Variants in TENM2 observed in about 807,000 individuals in gnomAD.
TENM2 encodes teneurin-2.
TENM2 carries 52 observed loss-of-function variants against 245.2 expected under a neutral mutation model. That is an observed-to-expected ratio of 0.21 (90% CI 0.17 to 0.27). TENM2 has a LOEUF of 0.27. TENM2 is among the 10% of genes least tolerant of loss of function. TENM2 has a pLI of 1.00. For synonymous variants in TENM2, 1,363 were observed against 1,438.9 expected (o/e 0.95, Z 1.19); for missense variants, 3,046 against 3,666.8 (o/e 0.83, Z 4.37).
At position 168,062,070 on chromosome 5, in the gene TENM2, G is replaced by A. The variant is rs376153373; in HGVS notation, c.1320G>A (p.Ser440=). Residue 440 remains serine (S), a synonymous_variant, in exon 7 of 29, where the codon TCG becomes TCA. Coordinates refer to ENST00000518659, the Ensembl canonical transcript of TENM2. ...TTTTTTTTTTTTCAGTGCCCTGGTC[G>A]TTGAAAAACAGCAGCATAGACAGTG... The A allele has an allele frequency of 5.4e-5, 87 of 1,604,236 alleles. No individual in the cohort carries two copies. In the Middle Eastern group the frequency reaches 5.8e-4, roughly 11 times the overall value.
At chr5:167,062,714 G>T in the TENM2 span, among the ~76,000 whole-genome samples, 92,043 of 152,050 alleles carry the variant, frequency 0.61, 30,388 homozygotes, top group African/African-American at 0.88. Context: ...TATTAAAAAA[G>T]AAACAAAGAA....
chr5:167,680,984 T>C (rs1421479078), intron 2 of TENM2, among the ~76,000 whole-genome samples: 1 of 152,180 alleles, frequency 6.6e-6, no homozygotes, highest in Non-Finnish European at 1.5e-5. Context: ...CTACTGAAAC[T>C]GTAAGAGAAA....
intron 3 of TENM2, among the ~76,000 whole-genome samples, chr5:167,897,119 G>A (rs1036612209): frequency 1.3e-5 from 2 of 152,126 alleles, no homozygotes; most frequent in Non-Finnish European, 2.9e-5. Context: ...TTCTCCCCTC[G>A]CTTCCTGATT....
intron 2 of TENM2, among the ~76,000 whole-genome samples, chr5:167,600,631 A>G (rs13159986): frequency 0.66 from 99,616 of 152,026 alleles, 32,870 homozygotes; most frequent in Middle Eastern, 0.76. Flanking sequence ...GACATAATGA[A>G]ATGAAAACAA....
At chr5:167,812,764 A>G (rs1164175368) in intron 2 of TENM2, among the ~76,000 whole-genome samples, 1 of 152,192 alleles carries the variant, frequency 6.6e-6, no homozygotes, top group Non-Finnish European at 1.5e-5. Flanking sequence ...TTTCTGAGCA[A>G]TGCCTATCTT....
chr5:166,993,249 G>A, the TENM2 span, among the ~76,000 whole-genome samples: 1 of 152,068 alleles, frequency 6.6e-6, no homozygotes, highest in African/African-American at 2.4e-5. Flanking sequence ...GAACTGCAGA[G>A]CTATTTTATG....
intron 14 of TENM2, among the ~76,000 whole-genome samples, chr5:168,191,844 A>C: frequency 6.6e-6 from 1 of 151,914 alleles, no homozygotes; most frequent in East Asian, 1.9e-4. Context: ...TGGGGAAGGA[A>C]TGGGTGTCAG....
intron 2 of TENM2, among the ~76,000 whole-genome samples, chr5:167,481,510 G>C (rs974840871): frequency 2.0e-5 from 3 of 152,148 alleles, no homozygotes; most frequent in Non-Finnish European, 4.4e-5. Flanking sequence ...ACAAAGGCAC[G>C]GTTCTGTAGC....
intron 12 of TENM2, among the ~76,000 whole-genome samples, 160 bp downstream of exon 14, chr5:168,127,126 G>T (rs1438117489): frequency 1.3e-5 from 2 of 152,172 alleles, no homozygotes; most frequent in African/African-American, 4.8e-5. Context: ...CCCTAATTGG[G>T]AAGGGCTTTT....
intron 2 of TENM2, among the ~76,000 whole-genome samples, chr5:167,818,687 C>A (rs532332050): frequency 6.6e-6 from 1 of 152,246 alleles, no homozygotes; most frequent in East Asian, 1.9e-4. Flanking sequence ...AGCCTGAGGT[C>A]AGCTTCTGAG....
chr5:168,253,627 G>A (rs369196691), intron 27 of TENM2, among the ~76,000 whole-genome samples: 14 of 151,838 alleles, frequency 9.2e-5, no homozygotes, highest in Non-Finnish European at 1.3e-4. Flanking sequence ...GGGTTTCACC[G>A]TGTTAGCCAG....
chr5:168,068,227 A>G (rs532257484), intron 7 of TENM2, among the ~76,000 whole-genome samples: 10 of 152,258 alleles, frequency 6.6e-5, no homozygotes, highest in Admixed American at 3.9e-4. Flanking sequence ...GGAGGGCACC[A>G]TGGATGTTTT....
chr5:167,427,088 T>A, intron 2 of TENM2, among the ~76,000 whole-genome samples: 1 of 149,424 alleles, frequency 6.7e-6, no homozygotes, highest in African/African-American at 2.5e-5. Flanking sequence ...AAAAAAAGGA[T>A]GAAAGAAGTG....
chr5:167,812,412 C>G (rs1260134075), intron 2 of TENM2, among the ~76,000 whole-genome samples: 2 of 152,206 alleles, frequency 1.3e-5, no homozygotes, highest in African/African-American at 4.8e-5. Flanking sequence ...AGTGCAGGCA[C>G]TGCCCTTGGA....
intron 1 of TENM2, among the ~76,000 whole-genome samples, chr5:167,323,532 AT>A (rs1048052955): frequency 3.3e-5 from 5 of 151,934 alleles, no homozygotes; most frequent in East Asian, 1.9e-4. Flanking sequence ...TTTTTGTTAT[AT>A]TTTTTTCCTA....
chr5:167,495,704 TG>T (rs1768771147), intron 2 of TENM2, among the ~76,000 whole-genome samples: 1 of 152,102 alleles, frequency 6.6e-6, no homozygotes, highest in African/African-American at 2.4e-5. Context: ...CAGTAAAATT[TG>T]TCTTGTTCAG....
At chr5:167,268,867 AAGATACAT>A in the TENM2 span, among the ~76,000 whole-genome samples, 2 of 127,014 alleles carry the variant, frequency 1.6e-5, no homozygotes, top group African/African-American at 6.0e-5. Context: ...TCCTTTCCAA[AAGATACAT>A]AGATAGATAG....
At chr5:167,044,062 A>AAGGC in the TENM2 span, among the ~76,000 whole-genome samples, 7 of 151,636 alleles carry the variant, frequency 4.6e-5, no homozygotes, top group African/African-American at 1.7e-4. Flanking sequence ...GGAAGGAAGG[A>AAGGC]AGGAAGGAAG....
At chr5:167,565,978 G>T (rs1450331361) in intron 2 of TENM2, among the ~76,000 whole-genome samples, 3 of 151,974 alleles carry the variant, frequency 2.0e-5, no homozygotes, top group Admixed American at 2.0e-4. Flanking sequence ...TATTATAGGG[G>T]ATTTGTCAGC....
Sources: gnomAD v4.1 joint callset for allele counts (sites outside exome capture counted in the v4.1 genomes callset) on GRCh38, gnomAD v4.1.1 for gene constraint, MANE v1.5 for transcripts, NCBI Gene and HGNC (gene_info 2026-07-23, HGNC 2026-07-21) for gene names.